The following ESYT2 variants were observed in gnomAD, a reference collection of about 807,000 sequenced individuals.
ESYT2 encodes the protein extended synaptotagmin 2.
In ESYT2, 54 loss-of-function variants were observed where a neutral mutation model predicts 107.2. The ratio of observed to expected loss-of-function variants is 0.50; its 90% CI spans 0.40 to 0.63. The LOEUF (loss-of-function observed/expected upper bound fraction) is 0.63, where lower values mean the gene tolerates loss of function less well. ESYT2 is among the 30% of genes least tolerant of loss of function. The pLI is 0.00. For synonymous variants in ESYT2, 491 were observed against 434.1 expected (o/e 1.13, Z -1.63); for missense variants, 1,020 against 1,094.5 (o/e 0.93, Z 0.96).
In ESYT2 at chr7:158,770,964, CAG is replaced by C. The variant is rs1229862550; in HGVS notation, c.803+2375_803+2376del. On this transcript the variant is annotated intron_variant, in intron 7 of 22. Coordinates refer to ENST00000275418, the MANE Select transcript of ESYT2 (RefSeq NM_001367773.1). The stretch of plus-strand genomic sequence containing the variant: ...AGGGGGTTGACACCAGCCTGAGAAA[CAG>C]AGTGAGATCTATCTCTGAAAACAAA... Among the ~76,000 whole-genome samples the C allele has an allele frequency of 1.3e-4, 20 of 152,144 alleles. No individual in the cohort carries two copies. In the South Asian group the frequency reaches 4.2e-3, roughly 32 times the overall value.
intron 18 of ESYT2, 54 bp downstream of exon 18, chr7:158,741,469 G>A: frequency 1.4e-6 from 2 of 1,387,068 alleles, no homozygotes; most frequent in Non-Finnish European, 1.9e-6. Flanking sequence ...CCCCAGCGTG[G>A]GGTGGGGGGC....
At chr7:158,781,889 GAGAACA>G (rs1838843070) in intron 6 of ESYT2, among the ~76,000 whole-genome samples, 1 of 141,984 alleles carries the variant, frequency 7.0e-6, no homozygotes, top group Admixed American at 7.1e-5. Context: ...AAGTAAGAAC[GAGAACA>G]AGTGTGAGTG....
At chr7:158,758,683 ACT>A (rs1053180491) in intron 13 of ESYT2, among the ~76,000 whole-genome samples, 5 of 152,198 alleles carry the variant, frequency 3.3e-5, no homozygotes, top group African/African-American at 1.2e-4. Context: ...TGAAATAAAC[ACT>A]GAGTGCCTAG....
rs557350233 is a variant in ESYT2 at position 158,740,569 on chromosome 7, T to G, written c.2168+954A>C. Among the ~76,000 whole-genome samples the G allele has an allele frequency of 3.3e-5, 5 of 152,288 alleles. No homozygotes were observed. The East Asian group carries it at 9.6e-4, about 29-fold the overall frequency. On this transcript the variant is annotated intron_variant, in intron 18 of 22. Coordinates refer to ENST00000275418, the MANE Select transcript of ESYT2 (RefSeq NM_001367773.1). Reference sequence around the variant, plus strand: ...CGCCCTTCCTTCCATTTCTCTCTGCTCAAGGATGGAACACAGACCCCCAAA... The same window carrying G: ...CGCCCTTCCTTCCATTTCTCTCTGCGCAAGGATGGAACACAGACCCCCAAA...
At chr7:158,815,107 T>C (rs1465862552) in intron 1 of ESYT2, among the ~76,000 whole-genome samples, 2 of 152,224 alleles carry the variant, frequency 1.3e-5, no homozygotes, top group Non-Finnish European at 2.9e-5. Flanking sequence ...GAAGAGAGCC[T>C]GCAATGAGTG....
At chr7:158,794,702 GGGGGGGTAA>G (rs1420658172) in intron 3 of ESYT2, among the ~76,000 whole-genome samples, 3 of 138,012 alleles carry the variant, frequency 2.2e-5, no homozygotes, top group Non-Finnish European at 3.0e-5. Flanking sequence ...CACTGAGCCC[GGGGGGGTAA>G]GGTTGCAGTC....
chr7:158,825,786 C>G (rs1840422370), intron 1 of ESYT2, among the ~76,000 whole-genome samples: 2 of 152,290 alleles, frequency 1.3e-5, no homozygotes. Context: ...ACTATGAAAA[C>G]AAGTACAGCC....
intron 8 of ESYT2, among the ~76,000 whole-genome samples, chr7:158,765,314 C>T (rs1457066883): frequency 2.0e-5 from 3 of 152,142 alleles, no homozygotes; most frequent in Non-Finnish European, 2.9e-5. Flanking sequence ...AGACCTGTCA[C>T]GAAGCATTAG....
chr7:158,780,434 G>A (rs1838733048), intron 6 of ESYT2, among the ~76,000 whole-genome samples: 1 of 152,164 alleles, frequency 6.6e-6, no homozygotes, highest in Admixed American at 6.5e-5. Flanking sequence ...TCTCAGATGA[G>A]GAACCATCTA....
rs954283149 is a variant in ESYT2 at position 158,734,124 on chromosome 7, T to C, written c.*83A>G. On this transcript the variant is annotated 3_prime_UTR_variant, in exon 23 of 23. Transcript: ENST00000275418. ...AACTAAATCCATGAAATTATAAAAATAACATTGGTACGTCTGTGAGAGGGT... is the reference window on the plus strand; with the variant it reads ...AACTAAATCCATGAAATTATAAAAACAACATTGGTACGTCTGTGAGAGGGT... The C allele has an allele frequency of 1.6e-5, 24 of 1,460,548 alleles. No individual in the cohort carries two copies. The highest frequency in any genetic ancestry group is 2.8e-5 in the African/African-American group (2 of 70,728). The allele number at this position is 1,460,548 out of a possible 1,614,324, so 90.5% of individuals were successfully genotyped here.
At chr7:158,772,463 G>C (rs2129472539) in intron 7 of ESYT2, among the ~76,000 whole-genome samples, 1 of 152,250 alleles carries the variant, frequency 6.6e-6, no homozygotes, top group East Asian at 1.9e-4. Context: ...CTATTTTAGG[G>C]AAAACAAATC....
chr7:158,768,420 A>G (rs1838237737), intron 7 of ESYT2, among the ~76,000 whole-genome samples: 1 of 152,216 alleles, frequency 6.6e-6, no homozygotes, highest in Admixed American at 6.5e-5. Context: ...AGGAAAAAAT[A>G]TACTTGCTTT....
intron 1 of ESYT2, among the ~76,000 whole-genome samples, chr7:158,810,694 A>AAAC (rs1273129756): frequency 6.6e-6 from 1 of 151,838 alleles, no homozygotes; most frequent in Non-Finnish European, 1.5e-5. Flanking sequence ...GGGGGAAAAA[A>AAAC]AAAGGCTCAT....
rs566427938 is a variant in ESYT2 at position 158,734,266 on chromosome 7, T to C, written c.2556-14A>G. On this transcript the variant is annotated splice_polypyrimidine_tract_variant and intron_variant, in intron 22 of 22. Transcript: ENST00000275418. The stretch of plus-strand genomic sequence containing the variant: ...GTGAGGTCATACCTGAGAAAGACAG[T>C]GACAGGAAGGTGGTGACGGATACAG... 5 of 1,614,064 alleles carry C rather than the reference T, an allele frequency of 3.1e-6. No individual in the cohort carries two copies. The highest frequency in any genetic ancestry group is 1.3e-5 in the African/African-American group (1 of 75,024).
At chr7:158,737,690 A>G (rs1837016840) in intron 19 of ESYT2, among the ~76,000 whole-genome samples, 1 of 152,192 alleles carries the variant, frequency 6.6e-6, no homozygotes. Flanking sequence ...CCCCACGATC[A>G]TTATCTAAGT....
chr7:158,798,754 T>C (rs34463110), intron 2 of ESYT2, among the ~76,000 whole-genome samples: 16,448 of 151,190 alleles, frequency 0.11, 938 homozygotes, highest in African/African-American at 0.13. Context: ...TGTTATAAAA[T>C]AGACTTGAGC....
intron 1 of ESYT2, among the ~76,000 whole-genome samples, chr7:158,812,385 G>T (rs1018158171): frequency 1.9e-4 from 29 of 152,212 alleles, no homozygotes; most frequent in African/African-American, 6.8e-4. Flanking sequence ...TCATCGGGGA[G>T]ATGTAAGTCA....
chr7:158,781,881 G>GAACGAGAA (rs1838841930), intron 6 of ESYT2, among the ~76,000 whole-genome samples: 7 of 19,276 alleles, frequency 3.6e-4, no homozygotes, highest in Non-Finnish European at 9.4e-4. Context: ...ACGAGAACAA[G>GAACGAGAA]TAAGAACGAG....
In ESYT2 at chr7:158,752,837, G is replaced by C. The variant is rs1432172466; in HGVS notation, c.1426C>G (p.Pro476Ala). The C allele has an allele frequency of 1.5e-6, 2 of 1,303,598 alleles. No individual in the cohort carries two copies. Among genetic ancestry groups the C allele is most frequent in the Admixed American group, 4.6e-5 (2 of 43,528 alleles). The allele number at this position is 1,303,598 out of a possible 1,614,324, so 80.8% of individuals were successfully genotyped here. The change falls in exon 14 of 23, where the codon CCA becomes GCA. Residue 476 changes from proline (P) to alanine (A), a missense_variant. Physicochemically the swap from Pro to Ala is conservative, Grantham distance 27 (BLOSUM62 -1). Coordinates refer to ENST00000275418, the MANE Select transcript of ESYT2 (RefSeq NM_001367773.1). ...AAGACATCGGGGTTAAATTCTAATG[G>C]GTTACTCTTTCAAGTCAGAAGAAAA... ...LDSARNLPSN[P>A]LEFNPDVLKK...
Sources: gnomAD v4.1 joint callset for allele counts (sites outside exome capture counted in the v4.1 genomes callset) on GRCh38, gnomAD v4.1.1 for gene constraint, MANE v1.5 for transcripts, NCBI Gene and HGNC (gene_info 2026-07-23, HGNC 2026-07-21) for gene names.